The following DRD3 variants were observed in gnomAD, a reference collection of about 807,000 sequenced individuals.
The protein encoded by DRD3 is dopamine receptor D3, also known as D(3) dopamine receptor.
In DRD3, 19 loss-of-function variants were observed where a neutral mutation model predicts 36.3. The observed-to-expected ratio is 0.52, with a 90% CI of 0.36 to 0.77. The LOEUF is 0.77. Among genes scored for constraint, DRD3 ranks in the 30% least tolerant of loss-of-function variants. The pLI, the probability that DRD3 is intolerant of heterozygous loss-of-function variation, is 0.00. For synonymous variants in DRD3, 195 were observed against 203.7 expected (o/e 0.96, Z 0.36); for missense variants, 465 against 505.3 (o/e 0.92, Z 0.77).
intron 1 of DRD3, among the ~76,000 whole-genome samples, chr3:114,193,802 T>C (rs890536758): frequency 3.9e-5 from 6 of 152,188 alleles, no homozygotes; most frequent in Non-Finnish European, 8.8e-5. Flanking sequence ...AAAATAAACA[T>C]CTTAATTTTT....
chr3:114,170,999 C>T (rs1448228909), intron 2 of DRD3, among the ~76,000 whole-genome samples: 1 of 152,122 alleles, frequency 6.6e-6, no homozygotes, highest in African/African-American at 2.4e-5. Flanking sequence ...GTCTTGACCA[C>T]CCCCTGGCTC....
intron 3 of DRD3, among the ~76,000 whole-genome samples, chr3:114,148,765 T>C (rs1247763416): frequency 6.6e-6 from 1 of 152,160 alleles, no homozygotes; most frequent in East Asian, 1.9e-4. Context: ...CAGGCTGGAG[T>C]GCAGTGGCGC....
intron 1 of DRD3, among the ~76,000 whole-genome samples, chr3:114,189,396 T>TA (rs2077991903): frequency 6.6e-6 from 1 of 152,238 alleles, no homozygotes. Context: ...GCATTTGCTT[T>TA]GGCTGGTTTA....
chr3:114,163,525 G>T (rs146770611), intron 2 of DRD3, among the ~76,000 whole-genome samples: 98 of 152,274 alleles, frequency 6.4e-4, no homozygotes, highest in Middle Eastern at 3.4e-3. Context: ...CTAGGATTTT[G>T]ACCCCTTTAT....
At chr3:114,152,216 C>T (rs58792051) in intron 3 of DRD3, among the ~76,000 whole-genome samples, 1,978 of 152,272 alleles carry the variant, frequency 0.013, 49 homozygotes, top group African/African-American at 0.046. Flanking sequence ...CCTCACCCCA[C>T]TCCCCTTCAT....
upstream of DRD3, among the ~76,000 whole-genome samples, chr3:114,179,944 C>T (rs1356492092): frequency 6.6e-6 from 1 of 152,086 alleles, no homozygotes; most frequent in Non-Finnish European, 1.5e-5. Flanking sequence ...TTCAACAACC[C>T]TACAAGGCAG....
chr3:114,163,219 C>A (rs1405567639), intron 2 of DRD3, among the ~76,000 whole-genome samples: 1 of 152,164 alleles, frequency 6.6e-6, no homozygotes, highest in Non-Finnish European at 1.5e-5. Flanking sequence ...TTAGCCTTCC[C>A]TGGAGCTTAC....
chr3:114,173,273 C>T (rs1032132112), intron 1 of DRD3, among the ~76,000 whole-genome samples: 2 of 152,144 alleles, frequency 1.3e-5, no homozygotes, highest in African/African-American at 4.8e-5. Context: ...TGTTTATAAA[C>T]TACTCAGTTT....
In DRD3 at chr3:114,171,747, C is replaced by T. The variant is rs755372382; in HGVS notation, c.246G>A (p.Val82=). ...CCTCCAGGTATACCACCCAGGGCAT[C>T]ACCAAGGTGGCCACCAGCAAGTCTG... The part of the protein sequence containing the change: ...AVADLLVATL[V]MPWVVYLEVT... The change falls in exon 2 of 7, where the codon GTG becomes GTA. Residue 82 remains valine, a synonymous_variant. Coordinates refer to ENST00000383673, the MANE Select transcript of DRD3 (RefSeq NM_000796.6). The T allele has an allele frequency of 3.7e-6, 6 of 1,610,170 alleles. No individual in the cohort carries two copies. Among genetic ancestry groups the T allele is most frequent in the Non-Finnish European group, 5.1e-6 (6 of 1,177,938 alleles).
Position 114,171,767 on chromosome 3 carries a change from A to AGT in DRD3, c.224_225dup (p.Leu76ThrfsTer8). ...GGCATCACCAAGGTGGCCACCAGCA[A>AGT]GTCTGCCACAGCCAGGCTCACTACT... On this transcript the variant is annotated frameshift_variant, in exon 2 of 7. Coordinates refer to ENST00000383673, the MANE Select transcript of DRD3 (RefSeq NM_000796.6). LOFTEE classifies it high-confidence loss of function. 1 of 1,612,742 alleles carries AGT rather than the reference A, an allele frequency of 6.2e-7. No individual in the cohort carries two copies. The highest frequency in any genetic ancestry group is 8.5e-7 in the Non-Finnish European group (1 of 1,179,306).
intron 1 of DRD3, among the ~76,000 whole-genome samples, chr3:114,198,023 G>T (rs1340791414): frequency 1.3e-5 from 2 of 152,114 alleles, no homozygotes; most frequent in East Asian, 1.9e-4. Flanking sequence ...TACAGATCAA[G>T]TTATATAGAT....
At chr3:114,198,220 T>C (rs1158280615) in intron 1 of DRD3, among the ~76,000 whole-genome samples, 1 of 150,506 alleles carries the variant, frequency 6.6e-6, no homozygotes, top group Non-Finnish European at 1.5e-5. Context: ...TGTTTCATAA[T>C]TTCTGTGTTT....
intron 3 of DRD3, among the ~76,000 whole-genome samples, chr3:114,156,534 A>G (rs776741218): frequency 1.3e-5 from 2 of 150,806 alleles, no homozygotes; most frequent in Admixed American, 6.6e-5. Context: ...TTAGGATCCT[A>G]TGATCCCTTA....
rs200654863 is a variant in DRD3, at chr3:114,172,016, C to T, written c.-24G>A. 7.8e-6 allele frequency: 11 copies of T among 1,408,638 alleles called. No individual in the cohort carries two copies. Among genetic ancestry groups the T allele is most frequent in the Non-Finnish European group, 9.3e-6 (10 of 1,076,068 alleles). 87.3% of individuals were successfully genotyped at this position (1,408,638 alleles called of 1,614,324 possible). On this transcript the variant is annotated 5_prime_UTR_variant, in exon 2 of 7. Coordinates refer to ENST00000383673, the MANE Select transcript of DRD3 (RefSeq NM_000796.6). Reference sequence around the variant, plus strand: ...ATAGCCCAGAGGGAGGTGCGTGATGCCAAGGGGCTTCCTGTGAGGAGACAG... The same window carrying T: ...ATAGCCCAGAGGGAGGTGCGTGATGTCAAGGGGCTTCCTGTGAGGAGACAG...
chr3:114,197,074 G>A (rs186507708), intron 1 of DRD3, among the ~76,000 whole-genome samples: 57 of 148,734 alleles, frequency 3.8e-4, no homozygotes, highest in African/African-American at 1.1e-3. Flanking sequence ...ATGCTGGTGC[G>A]CTGCACCCAC....
At chr3:114,141,908 G>C (rs1285536669) in intron 4 of DRD3, among the ~76,000 whole-genome samples, 2 of 152,006 alleles carry the variant, frequency 1.3e-5, no homozygotes, top group Non-Finnish European at 2.9e-5. Flanking sequence ...AAGTTAGCCG[G>C]TGTGGTAGCA....
chr3:114,174,852 G>A (rs1486776408), intron 1 of DRD3, among the ~76,000 whole-genome samples: 1 of 151,624 alleles, frequency 6.6e-6, no homozygotes. Context: ...GATAGGAAAC[G>A]GGTCTCAGGT....
At chr3:114,185,476 G>A (rs55953427) in intron 1 of DRD3, among the ~76,000 whole-genome samples, 21,853 of 151,582 alleles carry the variant, frequency 0.14, 1,858 homozygotes, top group Admixed American at 0.23. Context: ...CTATCTCTTC[G>A]CTAATATTTC....
chr3:114,187,241 T>C (rs1445916230), intron 1 of DRD3, among the ~76,000 whole-genome samples: 2 of 152,248 alleles, frequency 1.3e-5, no homozygotes, highest in Non-Finnish European at 2.9e-5. Flanking sequence ...ATTATTTTTG[T>C]CGTAAGTTGG....
Sources: allele counts gnomAD v4.1 joint callset (sites outside exome capture counted in the v4.1 genomes callset), GRCh38; gene constraint gnomAD v4.1.1; transcripts MANE v1.5; gene names NCBI Gene and HGNC (gene_info 2026-07-23, HGNC 2026-07-21).